The following GALK2 variants were observed in gnomAD, a reference collection of about 807,000 sequenced individuals.
GALK2 encodes N-acetylgalactosamine kinase.
In GALK2, 36 loss-of-function variants were observed where a neutral mutation model predicts 52.4. That is an observed-to-expected ratio of 0.69 (90% CI 0.53 to 0.91). GALK2 has a LOEUF of 0.91. Among genes scored for constraint, GALK2 ranks in the 40% least tolerant of loss-of-function variants. The pLI, the probability that GALK2 is intolerant of heterozygous loss-of-function variation, is 0.00. For missense variants in GALK2, 579 were observed against 559.1 expected, an observed-to-expected ratio of 1.04 and a Z score of -0.36; for synonymous variants, 176 against 199.1, an observed-to-expected ratio of 0.88 and a Z score of 0.98.
In GALK2 at chr15:49,347,434, T is replaced by C. The variant is rs1329048759; in HGVS notation, c.427-20057T>C. Among the ~76,000 whole-genome samples the C allele has an allele frequency of 2.0e-5, 3 of 152,212 alleles. No individual in the cohort carries two copies. In the East Asian group the frequency reaches 5.8e-4, roughly 29 times the overall value. ...TTCTCCTTTCTACTATAGCATTCTA[T>C]GTATAGGACAGATTATTGATGACCC... On this transcript the variant is annotated intron_variant, in intron 3 of 3. Transcript: ENST00000558399.
At position 49,329,806 on chromosome 15, in the gene GALK2, TAAAAAA is replaced by T; in HGVS notation, c.*1659_*1664del. ...TTCTTTAAAGATACCTGGATCAGTG[TAAAAAA>T]AAAAAAAAAAAGGCACCTGTCATTG... is the stretch of plus-strand genomic sequence containing the variant. On this transcript the variant is annotated 3_prime_UTR_variant, in exon 10 of 10. Coordinates refer to ENST00000560031, the MANE Select transcript of GALK2 (RefSeq NM_002044.4). 1.2e-5 allele frequency: 9 copies of T among 729,234 alleles called. No individual in the cohort carries two copies. The highest frequency in any genetic ancestry group is 2.1e-5 in the African/African-American group (1 of 46,538). The allele number at this position is 729,234 out of a possible 1,614,324, so 45.2% of individuals were successfully genotyped here.
At chr15:49,192,216 G>A (rs2086774650) in intron 1 of GALK2, among the ~76,000 whole-genome samples, 1 of 151,842 alleles carries the variant, frequency 6.6e-6, no homozygotes, top group Non-Finnish European at 1.5e-5. Context: ...TAAAGATCTG[G>A]GCATTAGAGA....
At chr15:49,254,998 T>A (rs1350120900) in intron 5 of GALK2, among the ~76,000 whole-genome samples, 1 of 143,742 alleles carries the variant, frequency 7.0e-6, no homozygotes, top group African/African-American at 2.5e-5. Context: ...TTCTCTCTAC[T>A]TTTTTTTCTG....
At chr15:49,342,727 C>A (rs1289793423) in intron 3 of GALK2, among the ~76,000 whole-genome samples, 1 of 152,090 alleles carries the variant, frequency 6.6e-6, no homozygotes, top group African/African-American at 2.4e-5. Context: ...GGTCTAGTGG[C>A]AATGAATTCC....
intron 3 of GALK2, among the ~76,000 whole-genome samples, chr15:49,219,534 C>T (rs542390979): frequency 6.6e-6 from 1 of 152,186 alleles, no homozygotes; most frequent in South Asian, 2.1e-4. Flanking sequence ...TCTGGCTGGG[C>T]ACGGTGGTTC....
downstream of GALK2, among the ~76,000 whole-genome samples, chr15:49,336,373 C>T (rs1316895052): frequency 3.3e-5 from 5 of 152,178 alleles, no homozygotes; most frequent in African/African-American, 1.2e-4. Flanking sequence ...TTTGAAGTGG[C>T]AATTGGCCAG....
intron 1 of GALK2, among the ~76,000 whole-genome samples, chr15:49,187,437 A>C (rs749269744): frequency 6.6e-6 from 1 of 152,190 alleles, no homozygotes; most frequent in Non-Finnish European, 1.5e-5. Flanking sequence ...AAACCATGTC[A>C]TGGTTACCAC....
At chr15:49,219,921 T>C (rs1213390532) in intron 3 of GALK2, among the ~76,000 whole-genome samples, 4 of 152,230 alleles carry the variant, frequency 2.6e-5, no homozygotes, top group Non-Finnish European at 4.4e-5. Context: ...TGTAGTAGCA[T>C]ATTTCAAGTT....
chr15:49,257,298 C>T (rs1453124156), intron 5 of GALK2, among the ~76,000 whole-genome samples: 1 of 152,140 alleles, frequency 6.6e-6, no homozygotes, highest in Non-Finnish European at 1.5e-5. Flanking sequence ...GACTGTTCCT[C>T]TTGGATGTCA....
chr15:49,261,628 G>A (rs942359355), intron 5 of GALK2, among the ~76,000 whole-genome samples: 4 of 151,236 alleles, frequency 2.6e-5, no homozygotes, highest in African/African-American at 7.3e-5. Context: ...GTGAGAGAGG[G>A]CATCCCTGTC....
At chr15:49,332,004 G>T (rs1226912775), downstream of GALK2, 1 of 586,796 alleles carries the variant, frequency 1.7e-6, no homozygotes, top group African/African-American at 1.9e-5. Context: ...TCTGAAGTAG[G>T]TACTCCTATT....
intron 5 of GALK2, among the ~76,000 whole-genome samples, chr15:49,279,096 C>T (rs577535471): frequency 2.6e-5 from 4 of 152,162 alleles, no homozygotes; most frequent in Admixed American, 1.3e-4. Flanking sequence ...GCCCTTGACA[C>T]GTAGGGATTA....
intron 5 of GALK2, among the ~76,000 whole-genome samples, chr15:49,257,779 A>T (rs1350944146): frequency 6.6e-6 from 1 of 152,012 alleles, no homozygotes; most frequent in Non-Finnish European, 1.5e-5. Context: ...AATGGGTGAA[A>T]CTATATTTCT....
At chr15:49,359,908 C>A (rs1221578866) in intron 3 of GALK2, among the ~76,000 whole-genome samples, 1 of 148,158 alleles carries the variant, frequency 6.7e-6, no homozygotes, top group East Asian at 2.0e-4. Context: ...ACTACGCAGC[C>A]ATAAAAAATT....
chr15:49,265,303 C>T (rs933866747), intron 5 of GALK2, among the ~76,000 whole-genome samples: 2 of 152,214 alleles, frequency 1.3e-5, no homozygotes, highest in African/African-American at 2.4e-5. Context: ...GCCTGGCTGC[C>T]GCCTTGCAGT....
chr15:49,307,622 G>A (rs1219031553), intron 8 of GALK2, among the ~76,000 whole-genome samples: 2 of 152,178 alleles, frequency 1.3e-5, no homozygotes, highest in Non-Finnish European at 2.9e-5. Flanking sequence ...ATGCCAGCGT[G>A]TAAAATGCAG....
chr15:49,342,358 TTTTG>T (rs1336425959), intron 3 of GALK2, among the ~76,000 whole-genome samples: 1 of 152,200 alleles, frequency 6.6e-6, no homozygotes, highest in Non-Finnish European at 1.5e-5. Flanking sequence ...TCCTGCTCTT[TTTTG>T]TTTTCCATTT....
chr15:49,298,896 T>C (rs769055817), intron 8 of GALK2, among the ~76,000 whole-genome samples: 3 of 152,162 alleles, frequency 2.0e-5, no homozygotes, highest in Non-Finnish European at 4.4e-5. Context: ...TGCCAGGTTT[T>C]GGTATTGGAA....
At chr15:49,189,668 G>A (rs2086591929) in intron 1 of GALK2, among the ~76,000 whole-genome samples, 2 of 152,026 alleles carry the variant, frequency 1.3e-5, no homozygotes, top group Admixed American at 1.3e-4. Flanking sequence ...CTGCAATATA[G>A]AGACAATACA....
Sources: allele counts gnomAD v4.1 joint callset (sites outside exome capture counted in the v4.1 genomes callset), GRCh38; gene constraint gnomAD v4.1.1; transcripts MANE v1.5; gene names NCBI Gene and HGNC (gene_info 2026-07-23, HGNC 2026-07-21).